STXBP5: variants seen among roughly 807,000 people sequenced by gnomAD.
The protein encoded by STXBP5 is syntaxin binding protein 5.
Under a neutral mutation model 152.4 loss-of-function variants are expected in STXBP5, and 50 were observed. The observed-to-expected ratio is 0.33, with a 90% CI of 0.26 to 0.42. The LOEUF is 0.42. STXBP5 is among the 10% of genes least tolerant of loss of function. The pLI, the probability that STXBP5 is intolerant of heterozygous loss-of-function variation, is 1.00. For missense variants in STXBP5, 1,167 were observed against 1,388.6 expected (o/e 0.84, Z 2.54); for synonymous variants, 492 against 494.7 (o/e 0.99, Z 0.07).
intron 2 of STXBP5, among the ~76,000 whole-genome samples, chr6:147,223,925 C>T (rs1294746921): frequency 7.2e-5 from 11 of 152,230 alleles, no homozygotes; most frequent in Admixed American, 2.6e-4. Context: ...TGTGGTGTAA[C>T]CATGAGGAAA....
chr6:147,369,021 C>G (rs950064920), intron 25 of STXBP5, among the ~76,000 whole-genome samples: 4 of 151,662 alleles, frequency 2.6e-5, no homozygotes, highest in African/African-American at 9.7e-5. Flanking sequence ...TACAAGAGAA[C>G]TAAAATACAC....
In STXBP5 at chr6:147,278,727, A is replaced by G. The variant is rs533972735; in HGVS notation, c.838+523A>G. On this transcript the variant is annotated intron_variant, in intron 8 of 27. Transcript: ENST00000321680. ...ATATTCATTGCTGTGATTTATTACA[A>G]CAAAAAGGCATAAAGCAGAATCTGC... is the stretch of plus-strand genomic sequence containing the variant. Among the ~76,000 whole-genome samples, 50 of 152,308 alleles carry G rather than the reference A, an allele frequency of 3.3e-4. 1 individual carries two copies. The highest frequency in any genetic ancestry group is 1.2e-3 in the African/African-American group (49 of 41,562).
At chr6:147,310,832 C>G (rs1173815167) in intron 10 of STXBP5, among the ~76,000 whole-genome samples, 1 of 152,066 alleles carries the variant, frequency 6.6e-6, no homozygotes, top group East Asian at 1.9e-4. Flanking sequence ...TCAGAATCTA[C>G]TGATTTAAAT....
chr6:147,355,775 G>A lies in STXBP5; in HGVS notation c.2305+2402G>A, dbSNP rs1251192100. ...GATAAATGTAAAGTATTAGTGCCTG[G>A]CACATGGTAGGCCTTGCTTAGTGTT... On this transcript the variant is annotated intron_variant, in intron 22 of 27. Transcript: ENST00000321680. Among the ~76,000 whole-genome samples the A allele has an allele frequency of 2.7e-5, 4 of 146,394 alleles. No homozygotes were observed. In the East Asian group the frequency reaches 7.7e-4, roughly 28 times the overall value.
chr6:147,302,228 G>A (rs1469068682), intron 9 of STXBP5, among the ~76,000 whole-genome samples: 7 of 151,018 alleles, frequency 4.6e-5, no homozygotes, highest in African/African-American at 9.7e-5. Context: ...TGCCAGTTCC[G>A]AACCCTTTAG....
At chr6:147,302,115 A>G (rs193232815) in intron 9 of STXBP5, among the ~76,000 whole-genome samples, 6 of 152,256 alleles carry the variant, frequency 3.9e-5, no homozygotes, top group African/African-American at 1.4e-4. Context: ...GCTATTCCCT[A>G]TATTTGTTTT....
intron 25 of STXBP5, among the ~76,000 whole-genome samples, chr6:147,367,579 A>G (rs1037519990): frequency 2.0e-5 from 3 of 152,178 alleles, no homozygotes; most frequent in Admixed American, 6.5e-5. Context: ...CGGAGCTTGC[A>G]GTGAGCTGAG....
intron 8 of STXBP5, among the ~76,000 whole-genome samples, chr6:147,279,492 A>C (rs765704137): frequency 2.4e-4 from 37 of 152,234 alleles, no homozygotes; most frequent in Non-Finnish European, 4.7e-4. Context: ...TGAAAGAAAC[A>C]GTAAAATTAA....
chr6:147,351,431 ACTT>A (rs1281519872), intron 21 of STXBP5, among the ~76,000 whole-genome samples: 10 of 152,204 alleles, frequency 6.6e-5, no homozygotes, highest in African/African-American at 1.9e-4. Context: ...TATAGATACT[ACTT>A]ATCAGTCTAG....
intron 21 of STXBP5, among the ~76,000 whole-genome samples, chr6:147,349,593 A>G (rs981952147): frequency 5.9e-5 from 9 of 152,210 alleles, no homozygotes; most frequent in African/African-American, 2.2e-4. Flanking sequence ...TCCACATCCC[A>G]TGGTCTTAGA....
intron 6 of STXBP5, among the ~76,000 whole-genome samples, chr6:147,264,812 GAAT>G (rs1779812458): frequency 1.3e-5 from 2 of 151,958 alleles, no homozygotes; most frequent in Non-Finnish European, 2.9e-5. Flanking sequence ...GTAAAGAAAG[GAAT>G]TGAAAAGCTG....
intron 9 of STXBP5, among the ~76,000 whole-genome samples, chr6:147,294,386 T>C (rs1279899415): frequency 6.6e-6 from 1 of 151,992 alleles, no homozygotes; most frequent in Non-Finnish European, 1.5e-5. Flanking sequence ...CATTGAGTTG[T>C]TAAAAAATTA....
At chr6:147,271,907 T>A (rs1780191602) in intron 7 of STXBP5, among the ~76,000 whole-genome samples, 1 of 152,134 alleles carries the variant, frequency 6.6e-6, no homozygotes, top group Non-Finnish European at 1.5e-5. Flanking sequence ...AGACGCAGAT[T>A]ACCCATTATG....
At chr6:147,333,638 A>C (rs1004315610) in intron 18 of STXBP5, among the ~76,000 whole-genome samples, 1 of 152,242 alleles carries the variant, frequency 6.6e-6, no homozygotes, top group African/African-American at 2.4e-5. Flanking sequence ...TTCAGTACTC[A>C]TGTTCTTAGG....
intron 3 of STXBP5, among the ~76,000 whole-genome samples, chr6:147,235,951 C>T (rs1238182522): frequency 6.6e-6 from 1 of 152,008 alleles, no homozygotes; most frequent in East Asian, 1.9e-4. Context: ...GAAAGCTAGT[C>T]GTAGAAGGAA....
At chr6:147,370,653 A>C (rs1181941943) in intron 25 of STXBP5, among the ~76,000 whole-genome samples, 1 of 152,028 alleles carries the variant, frequency 6.6e-6, no homozygotes, top group African/African-American at 2.4e-5. Flanking sequence ...GGAACATACC[A>C]ATTAATTCAG....
intron 18 of STXBP5, among the ~76,000 whole-genome samples, chr6:147,331,316 ATTTATCAACAATACAT>A (rs1195007993): frequency 1.3e-5 from 2 of 152,210 alleles, no homozygotes; most frequent in African/African-American, 2.4e-5. Context: ...AAGAATTGAG[ATTTATCAACAATACAT>A]GTTGAGTCCT....
At chr6:147,340,120 A>G (rs1466353915) in intron 21 of STXBP5, among the ~76,000 whole-genome samples, 3 of 152,194 alleles carry the variant, frequency 2.0e-5, no homozygotes, top group Admixed American at 6.5e-5. Flanking sequence ...TTTAAATTCT[A>G]AATTTTTATC....
chr6:147,293,286 G>A (rs917323711), intron 9 of STXBP5: 2 of 152,208 alleles, frequency 1.3e-5, no homozygotes, highest in African/African-American at 4.8e-5. Flanking sequence ...AACTGGATCA[G>A]TAAGATCACC....
Sources: allele counts gnomAD v4.1 joint callset (sites outside exome capture counted in the v4.1 genomes callset), GRCh38; gene constraint gnomAD v4.1.1; transcripts MANE v1.5; gene names NCBI Gene and HGNC (gene_info 2026-07-23, HGNC 2026-07-21).